Variants in ACBD6 observed in about 807,000 individuals in gnomAD.
ACBD6 encodes the protein acyl-CoA binding domain containing 6.
A neutral mutation model predicts 37.2 loss-of-function variants in ACBD6; 28 were observed. The observed-to-expected ratio is 0.75, with a 90% CI of 0.56 to 1.03. The LOEUF (loss-of-function observed/expected upper bound fraction) is 1.03. Among genes scored for constraint, ACBD6 ranks in the 50% least tolerant of loss-of-function variants. ACBD6 has a pLI of 0.00. For missense variants in ACBD6, 340 were observed against 337.4 expected (o/e 1.01, Z -0.06); for synonymous variants, 113 against 126.8 (o/e 0.89, Z 0.73).
chr1:180,493,278 A>C (rs1208380550), intron 2 of ACBD6, among the ~76,000 whole-genome samples: 3 of 111,674 alleles, frequency 2.7e-5, no homozygotes, highest in Admixed American at 1.0e-4. Flanking sequence ...AAAAAAAAAA[A>C]CAACAACAGC....
chr1:180,271,162 A>T (rs1648629812), exon 14 of ACBD6: 2 of 618,608 alleles, frequency 3.2e-6, no homozygotes, highest in South Asian at 1.8e-5. Context: ...CAGAGAAAGG[A>T]CTGCTGTCCT....
chr1:180,499,836 T>G (rs1056782794), intron 1 of ACBD6, among the ~76,000 whole-genome samples: 1 of 152,186 alleles, frequency 6.6e-6, no homozygotes, highest in African/African-American at 2.4e-5. Flanking sequence ...CATTCGACAC[T>G]ATAATTTATA....
intron 7 of ACBD6, among the ~76,000 whole-genome samples, chr1:180,295,465 G>C (rs2149280582): frequency 1.3e-5 from 2 of 151,934 alleles, no homozygotes; most frequent in Admixed American, 1.3e-4. Flanking sequence ...TTTTATATAG[G>C]CATAACTTAT....
At position 180,492,987 on chromosome 1, in the gene ACBD6, G is replaced by A. The variant is rs555967532; in HGVS notation, c.288-622C>T. ...ATACTGGCCAGGCTTGGTGGCTCAC[G>A]CCTGTAATCCCAGCACTTTGGGAGG... On this transcript the variant is annotated intron_variant, in intron 2 of 7. Coordinates refer to ENST00000367595, the MANE Select transcript of ACBD6 (RefSeq NM_032360.4). 5.9e-5 allele frequency among the ~76,000 whole-genome samples: 9 copies of A among 152,080 alleles called. No homozygotes were observed. The East Asian group carries it at 7.7e-4, about 13-fold the overall frequency.
At chr1:180,346,590 A>G (rs1463314140) in intron 6 of ACBD6, among the ~76,000 whole-genome samples, 2 of 152,200 alleles carry the variant, frequency 1.3e-5, no homozygotes, top group Non-Finnish European at 2.9e-5. Context: ...AGTAACTAAG[A>G]GGACTGCAAA....
intron 6 of ACBD6, among the ~76,000 whole-genome samples, chr1:180,367,394 CTTTT>C (rs1558268663): frequency 6.6e-6 from 1 of 152,072 alleles, no homozygotes; most frequent in Non-Finnish European, 1.5e-5. Context: ...TTTAAAAAAA[CTTTT>C]ATTTTAGATT....
intron 5 of ACBD6, among the ~76,000 whole-genome samples, chr1:180,402,008 C>A (rs1360077141): frequency 6.6e-6 from 1 of 152,042 alleles, no homozygotes; most frequent in Non-Finnish European, 1.5e-5. Context: ...ATGGTACTGT[C>A]TAATTAGCAA....
intron 6 of ACBD6, 56 bp downstream of exon 6, chr1:180,397,460 G>T: frequency 6.9e-7 from 1 of 1,451,424 alleles, no homozygotes; most frequent in Non-Finnish European, 9.7e-7. Flanking sequence ...TAAATTTTAT[G>T]TTATGCGAAT....
intron 3 of ACBD6, among the ~76,000 whole-genome samples, chr1:180,475,929 A>G (rs899020583): frequency 6.6e-6 from 1 of 152,202 alleles, no homozygotes; most frequent in African/African-American, 2.4e-5. Flanking sequence ...AATCAACAAC[A>G]TGGATTATTA....
chr1:180,349,634 A>G (rs1215086901), intron 6 of ACBD6, among the ~76,000 whole-genome samples: 2 of 152,114 alleles, frequency 1.3e-5, no homozygotes, highest in Admixed American at 6.5e-5. Context: ...AGCAACCACT[A>G]AAGTTAGCTT....
chr1:180,396,713 G>A (rs1292271117), intron 6 of ACBD6, among the ~76,000 whole-genome samples: 1 of 151,918 alleles, frequency 6.6e-6, no homozygotes, highest in Non-Finnish European at 1.5e-5. Context: ...TAGTCATTAG[G>A]GAAATGTAAA....
intron 6 of ACBD6, among the ~76,000 whole-genome samples, chr1:180,336,856 CA>C (rs200681588): frequency 0.015 from 2,300 of 152,206 alleles, 25 homozygotes; most frequent in Non-Finnish European, 0.023. Context: ...TACAAACTAC[CA>C]TCAGAGAATA....
chr1:180,438,840 C>T (rs1166171615), intron 3 of ACBD6, among the ~76,000 whole-genome samples: 1 of 152,134 alleles, frequency 6.6e-6, no homozygotes, highest in African/African-American at 2.4e-5. Flanking sequence ...CATATAATGA[C>T]ATGTACCCAC....
rs1232262152 is a variant in ACBD6 at position 180,304,747 on chromosome 1, A to C, written c.694+9945T>G. ...TGACTTTCCTCACAGAATTGGAAAAAACTACTTTAAAGTTCACATGGAACC... is the reference window on the plus strand; with the variant it reads ...TGACTTTCCTCACAGAATTGGAAAACACTACTTTAAAGTTCACATGGAACC... On this transcript the variant is annotated intron_variant, in intron 7 of 7. Transcript: ENST00000367595. Among the ~76,000 whole-genome samples, 2 of 150,814 alleles carry C rather than the reference A, an allele frequency of 1.3e-5. 1 individual carries two copies. Among genetic ancestry groups the C allele is most frequent in the Non-Finnish European group, 3.0e-5 (2 of 67,508 alleles).
chr1:180,272,559 G>A (rs1648735212), intron 13 of ACBD6: 1 of 153,476 alleles, frequency 6.5e-6, no homozygotes, highest in South Asian at 2.0e-4. Flanking sequence ...CTGCACACAA[G>A]CTTTGCAGCA....
intron 3 of ACBD6, among the ~76,000 whole-genome samples, chr1:180,437,324 G>T (rs540763905): frequency 6.6e-6 from 1 of 152,258 alleles, no homozygotes; most frequent in South Asian, 2.1e-4. Context: ...GGGGTGGGAG[G>T]CAGTCCTGGG....
chr1:180,386,664 A>G (rs1653856780), intron 6 of ACBD6, among the ~76,000 whole-genome samples: 1 of 151,856 alleles, frequency 6.6e-6, no homozygotes, highest in Non-Finnish European at 1.5e-5. Flanking sequence ...TATTGCTTTA[A>G]GTTCACTGAT....
chr1:180,461,261 C>CA (rs1427427332), intron 3 of ACBD6, among the ~76,000 whole-genome samples: 2 of 151,796 alleles, frequency 1.3e-5, no homozygotes, highest in East Asian at 3.9e-4. Flanking sequence ...ATAAAAAGAC[C>CA]AAATCTATGA....
chr1:180,490,961 T>TAAAA (rs67650274), intron 3 of ACBD6, among the ~76,000 whole-genome samples: 15 of 93,826 alleles, frequency 1.6e-4, no homozygotes, highest in East Asian at 3.2e-4. Context: ...CTGTCTCATA[T>TAAAA]AAAAAAAAAA....
Sources: allele counts gnomAD v4.1 joint callset (sites outside exome capture counted in the v4.1 genomes callset), GRCh38; gene constraint gnomAD v4.1.1; transcripts MANE v1.5; gene names NCBI Gene and HGNC (gene_info 2026-07-23, HGNC 2026-07-21).